The following MTAP variants were observed in gnomAD, a reference collection of about 807,000 sequenced individuals.
MTAP encodes the protein S-methyl-5'-thioadenosine phosphorylase.
MTAP carries 33 observed loss-of-function variants against 33.6 expected under a neutral mutation model. That is an observed-to-expected ratio of 0.98 (90% confidence interval 0.74 to 1.31). The LOEUF (loss-of-function observed/expected upper bound fraction) is 1.31, where lower values mean the gene tolerates loss of function less well. MTAP is among the 40% of genes most tolerant of loss of function. The pLI is 0.00. For synonymous variants in MTAP, 148 were observed against 125.7 expected (o/e 1.18, Z -1.19); for missense variants, 367 against 360.0 (o/e 1.02, Z -0.16).
intron 6 of MTAP, chr9:21,858,851 A>C (rs1167154282): frequency 6.5e-6 from 1 of 152,992 alleles, no homozygotes; most frequent in Non-Finnish European, 1.5e-5. Flanking sequence ...AGACTTCACA[A>C]GTCAGGTTTT....
chr9:21,843,039 C>G (rs1432041026), intron 5 of MTAP, among the ~76,000 whole-genome samples: 1 of 152,140 alleles, frequency 6.6e-6, no homozygotes, highest in African/African-American at 2.4e-5. Flanking sequence ...CACACATGAA[C>G]TCACAAAAAC....
At chr9:21,916,122 G>GGAAGGAT (rs1296578788) in intron 1 of MTAP, among the ~76,000 whole-genome samples, 1 of 123,006 alleles carries the variant, frequency 8.1e-6, no homozygotes, top group African/African-American at 3.1e-5. Flanking sequence ...GAAGGAAGGA[G>GGAAGGAT]GGAGGGAAGG....
At chr9:21,818,266 C>A in intron 4 of MTAP, 64 bp downstream of exon 4, 1 of 1,459,808 alleles carries the variant, frequency 6.9e-7, no homozygotes, top group Non-Finnish European at 9.3e-7. Context: ...AAATGGACGA[C>A]GCGTGGGAAC....
At chr9:21,839,172 G>GTTT (rs1403253758) in intron 5 of MTAP, among the ~76,000 whole-genome samples, 108 of 126,528 alleles carry the variant, frequency 8.5e-4, no homozygotes, top group Admixed American at 1.8e-3. Flanking sequence ...TCTTTTACTT[G>GTTT]GTTTTTTTTT....
chr9:21,831,373 G>A (rs908992378), intron 4 of MTAP, among the ~76,000 whole-genome samples: 4 of 152,092 alleles, frequency 2.6e-5, no homozygotes, highest in Admixed American at 1.3e-4. Flanking sequence ...ATCTTTCTCT[G>A]TTGCCCGGGG....
chr9:21,873,833 GA>G (rs1825969116), intron 1 of MTAP, among the ~76,000 whole-genome samples: 1 of 151,996 alleles, frequency 6.6e-6, no homozygotes, highest in Non-Finnish European at 1.5e-5. Flanking sequence ...ATATCAACAT[GA>G]AAAGGTTTCA....
At chr9:21,910,958 A>C (rs1035033549) in intron 1 of MTAP, among the ~76,000 whole-genome samples, 6 of 152,286 alleles carry the variant, frequency 3.9e-5, no homozygotes, top group Non-Finnish European at 5.9e-5. Flanking sequence ...AATGGAAAAC[A>C]AAAAAAGGCA....
At chr9:21,930,855 C>T (rs770013804) in intron 1 of MTAP, 20 of 652,186 alleles carry the variant, frequency 3.1e-5, no homozygotes, top group Admixed American at 5.0e-5. Flanking sequence ...ACAAGCCTCT[C>T]GTGGTTAGTT....
chr9:21,803,242 G>A, intron 1 of MTAP: 1 of 308,980 alleles, frequency 3.2e-6, no homozygotes, highest in Non-Finnish European at 5.9e-6. Context: ...CGGGACTCCA[G>A]CTTCCGCTCT....
At chr9:21,816,630 G>A in intron 2 of MTAP, 84 bp from the exon 3 acceptor site, 4 of 1,141,636 alleles carry the variant, frequency 3.5e-6, no homozygotes, top group Non-Finnish European at 3.8e-6. Flanking sequence ...CAGATTCCAT[G>A]AGTCCTGTTG....
chr9:21,816,655 T>C (rs1202161053), intron 2 of MTAP, 59 bp from the exon 3 acceptor site: 1 of 1,484,474 alleles, frequency 6.7e-7, no homozygotes, highest in East Asian at 2.3e-5. Context: ...TGAACAATTA[T>C]AATTTACATA....
At chr9:21,853,721 T>A (rs965510038) in intron 5 of MTAP, among the ~76,000 whole-genome samples, 1 of 152,202 alleles carries the variant, frequency 6.6e-6, no homozygotes, top group Non-Finnish European at 1.5e-5. Context: ...CTGGCATGCT[T>A]CTATGCTTGT....
chr9:21,861,836 T>C (rs1203736948), intron 7 of MTAP, 140 bp from the exon 8 acceptor site: 7 of 669,006 alleles, frequency 1.0e-5, no homozygotes, highest in Non-Finnish European at 1.9e-5. Context: ...ACTTGAAAAT[T>C]TTCTGTAGAA....
intron 4 of MTAP, among the ~76,000 whole-genome samples, chr9:21,825,334 C>A (rs1442938527): frequency 2.6e-5 from 4 of 152,116 alleles, no homozygotes; most frequent in Non-Finnish European, 5.9e-5. Flanking sequence ...GCTGCAGGGA[C>A]CATGGAAGTG....
intron 6 of MTAP, among the ~76,000 whole-genome samples, chr9:21,858,173 G>A (rs560271741): frequency 6.6e-5 from 10 of 152,180 alleles, no homozygotes; most frequent in South Asian, 6.2e-4. Flanking sequence ...AAGGAGAAAC[G>A]TACCTGTTTG....
intron 1 of MTAP, among the ~76,000 whole-genome samples, chr9:21,882,893 A>G (rs536747704): frequency 6.6e-6 from 1 of 152,122 alleles, no homozygotes. Context: ...GTCACTGGAA[A>G]TTTTGGTTTT....
intron 1 of MTAP, among the ~76,000 whole-genome samples, chr9:21,902,022 G>A (rs183103962): frequency 1.3e-5 from 2 of 152,300 alleles, no homozygotes; most frequent in Admixed American, 6.5e-5. Context: ...GAATGTATGA[G>A]AAATAGCTTT....
intron 1 of MTAP, chr9:21,811,958 A>G (rs1824361453): frequency 6.1e-6 from 2 of 328,440 alleles, no homozygotes; most frequent in Middle Eastern, 2.4e-3. Flanking sequence ...TATTTTGGGC[A>G]TTAAGCATGT....
chr9:21,892,465 G>A (rs1241709852), intron 1 of MTAP: 1 of 152,046 alleles, frequency 6.6e-6, no homozygotes, highest in Non-Finnish European at 1.5e-5. Context: ...AAGAGTAGGG[G>A]TTGCTATTCT....
Sources: gnomAD v4.1 joint callset for allele counts (sites outside exome capture counted in the v4.1 genomes callset) on GRCh38, gnomAD v4.1.1 for gene constraint, MANE v1.5 for transcripts, NCBI Gene and HGNC (gene_info 2026-07-23, HGNC 2026-07-21) for gene names.